SNTG1: variants seen among roughly 807,000 people sequenced by gnomAD.
SNTG1 encodes gamma-1-syntrophin.
Under a neutral mutation model 74.7 loss-of-function variants are expected in SNTG1, and 39 were observed. That is an observed-to-expected ratio of 0.52 (90% confidence interval 0.40 to 0.68). The LOEUF (loss-of-function observed/expected upper bound fraction) is 0.68. SNTG1 is among the 30% of genes least tolerant of loss of function. The pLI is 0.00. For synonymous variants in SNTG1, 254 were observed against 217.1 expected, an observed-to-expected ratio of 1.17 and a Z score of -1.49; for missense variants, 685 against 609.5, an observed-to-expected ratio of 1.12 and a Z score of -1.30.
At chr8:50,432,279 C>G (rs1175118141) in intron 4 of SNTG1, among the ~76,000 whole-genome samples, 1 of 151,832 alleles carries the variant, frequency 6.6e-6, no homozygotes, top group Non-Finnish European at 1.5e-5. Context: ...CTTTGCTTTT[C>G]TCTATTGAAT....
intron 1 of SNTG1, among the ~76,000 whole-genome samples, chr8:49,998,888 C>T (rs1305501330): frequency 1.3e-5 from 2 of 152,010 alleles, no homozygotes; most frequent in Non-Finnish European, 2.9e-5. Context: ...GTAGCATAGT[C>T]ATTTATTATC....
intron 13 of SNTG1, among the ~76,000 whole-genome samples, chr8:50,647,591 C>T (rs1289333708): frequency 3.3e-5 from 5 of 151,996 alleles, no homozygotes; most frequent in South Asian, 2.1e-4. Flanking sequence ...CTCAGTTTTG[C>T]TGTGAACCCA....
intron 9 of SNTG1, among the ~76,000 whole-genome samples, chr8:50,520,460 G>T (rs2094170295): frequency 6.6e-6 from 1 of 152,156 alleles, no homozygotes; most frequent in Non-Finnish European, 1.5e-5. Context: ...TTAAACTAAA[G>T]AGCTTCTGCA....
At chr8:50,544,973 A>G (rs1184458932) in intron 11 of SNTG1, among the ~76,000 whole-genome samples, 1 of 152,046 alleles carries the variant, frequency 6.6e-6, no homozygotes, top group Non-Finnish European at 1.5e-5. Flanking sequence ...TGAATGTAAT[A>G]TATGTATACT....
chr8:50,638,526 G>GT (rs1251920601), intron 13 of SNTG1, among the ~76,000 whole-genome samples: 2 of 152,070 alleles, frequency 1.3e-5, no homozygotes, highest in African/African-American at 4.8e-5. Context: ...ATAGCACTGG[G>GT]TGCTCCAGTG....
intron 1 of SNTG1, among the ~76,000 whole-genome samples, chr8:49,983,794 G>A (rs966552229): frequency 3.9e-5 from 6 of 152,210 alleles, no homozygotes; most frequent in African/African-American, 1.4e-4. Flanking sequence ...TTGAATTCTT[G>A]TCTTGCCCCC....
chr8:50,749,751 A>C (rs2095563026), intron 17 of SNTG1, among the ~76,000 whole-genome samples: 1 of 152,040 alleles, frequency 6.6e-6, no homozygotes, highest in South Asian at 2.1e-4. Flanking sequence ...TGGTTTACTG[A>C]ATATGTTAAG....
At chr8:50,149,145 T>G (rs898924633) in intron 1 of SNTG1, among the ~76,000 whole-genome samples, 3 of 152,244 alleles carry the variant, frequency 2.0e-5, no homozygotes, top group Admixed American at 1.3e-4. Flanking sequence ...ATGCCAGTGA[T>G]GATGAGCATT....
At chr8:50,379,530 A>G (rs1002384701) in intron 2 of SNTG1, among the ~76,000 whole-genome samples, 9 of 152,048 alleles carry the variant, frequency 5.9e-5, no homozygotes, top group African/African-American at 2.2e-4. Context: ...TCCCACCCCA[A>G]CTTTGAAGGG....
chr8:50,084,872 T>A (rs1198555766), intron 1 of SNTG1, among the ~76,000 whole-genome samples: 1 of 152,226 alleles, frequency 6.6e-6, no homozygotes, highest in Non-Finnish European at 1.5e-5. Context: ...TGACATTTTA[T>A]GACACAGCAA....
At chr8:50,312,137 G>C (rs1481160700) in intron 2 of SNTG1, among the ~76,000 whole-genome samples, 1 of 152,142 alleles carries the variant, frequency 6.6e-6, no homozygotes. Flanking sequence ...GGGTTTCACT[G>C]TGGGTTCAGT....
intron 15 of SNTG1, among the ~76,000 whole-genome samples, chr8:50,687,940 T>A (rs989999757): frequency 1.3e-5 from 2 of 152,240 alleles, no homozygotes; most frequent in Non-Finnish European, 2.9e-5. Context: ...TTTTTAATGA[T>A]CGCCATTCTC....
intron 2 of SNTG1, among the ~76,000 whole-genome samples, chr8:50,183,211 C>A (rs533000884): frequency 6.6e-6 from 1 of 152,306 alleles, no homozygotes; most frequent in South Asian, 2.1e-4. Context: ...CTCATTTACT[C>A]AAGGTTTTAG....
chr8:49,957,754 T>C (rs527778651), intron 1 of SNTG1, among the ~76,000 whole-genome samples: 3 of 152,220 alleles, frequency 2.0e-5, no homozygotes, highest in Non-Finnish European at 2.9e-5. Context: ...GCTTTAAAAC[T>C]ACACAGATGA....
chr8:50,185,512 A>G (rs2083347329), intron 2 of SNTG1, among the ~76,000 whole-genome samples: 2 of 152,230 alleles, frequency 1.3e-5, no homozygotes, highest in African/African-American at 4.8e-5. Context: ...GCCATTTACT[A>G]GTTGTGACTC....
chr8:50,452,662 A>G (rs2093468027), intron 8 of SNTG1, among the ~76,000 whole-genome samples: 1 of 152,186 alleles, frequency 6.6e-6, no homozygotes, highest in Non-Finnish European at 1.5e-5. Context: ...GAAATTTGGG[A>G]TTGTATTGCA....
intron 18 of SNTG1, among the ~76,000 whole-genome samples, chr8:50,769,801 C>A (rs1396206526): frequency 6.6e-6 from 1 of 151,936 alleles, no homozygotes; most frequent in South Asian, 2.1e-4. Flanking sequence ...AGATACAAAT[C>A]TCTTATTTTA....
chr8:49,938,021 C>T (rs377131122), intron 1 of SNTG1, among the ~76,000 whole-genome samples: 1 of 152,108 alleles, frequency 6.6e-6, no homozygotes, highest in South Asian at 2.1e-4. Flanking sequence ...TATCTTTGAA[C>T]CTGCCTCTCC....
At chr8:50,177,853 C>A (rs2083057257) in intron 2 of SNTG1, among the ~76,000 whole-genome samples, 1 of 152,098 alleles carries the variant, frequency 6.6e-6, no homozygotes, top group Non-Finnish European at 1.5e-5. Context: ...CAAAAATATC[C>A]CCTACGCTTC....
Sources: gnomAD v4.1 joint callset for allele counts (sites outside exome capture counted in the v4.1 genomes callset) on GRCh38, gnomAD v4.1.1 for gene constraint, MANE v1.5 for transcripts, NCBI Gene and HGNC (gene_info 2026-07-23, HGNC 2026-07-21) for gene names.